The following RGS6 variants were observed in gnomAD, a reference collection of about 807,000 sequenced individuals.
The protein encoded by RGS6 is regulator of G protein signaling 6, also known as regulator of G-protein signaling 6.
In RGS6, 30 loss-of-function variants were observed where a neutral mutation model predicts 78.5. That is an observed-to-expected ratio of 0.38 (90% confidence interval 0.29 to 0.52). The LOEUF (loss-of-function observed/expected upper bound fraction) is 0.52, where lower values mean the gene tolerates loss of function less well. Among genes scored for constraint, RGS6 ranks in the 20% least tolerant of loss-of-function variants. The pLI, the probability that RGS6 is intolerant of heterozygous loss-of-function variation, is 0.85. For synonymous variants in RGS6, 206 were observed against 206.0 expected (o/e 1.00, Z 0.00); for missense variants, 495 against 609.7 (o/e 0.81, Z 1.98).
chr14:72,227,152 A>C (rs2048321535), intron 2 of RGS6, among the ~76,000 whole-genome samples: 1 of 152,268 alleles, frequency 6.6e-6, no homozygotes, highest in Non-Finnish European at 1.5e-5. Context: ...TAATATAGGA[A>C]TGTGTGTGTT....
intron 2 of RGS6, among the ~76,000 whole-genome samples, chr14:72,052,989 C>CTT (rs1230518365): frequency 2.6e-4 from 17 of 64,548 alleles, no homozygotes; most frequent in African/African-American, 1.3e-3. Context: ...TTCTTTCTCT[C>CTT]TCTCTCTCTC....
intron 2 of RGS6, among the ~76,000 whole-genome samples, chr14:72,267,092 C>A (rs575925842): frequency 2.4e-4 from 37 of 152,166 alleles, no homozygotes; most frequent in Non-Finnish European, 4.4e-4. Flanking sequence ...ACCTCTGCCT[C>A]ACTAGTTCAA....
At chr14:72,165,805 T>C (rs1169300964) in intron 2 of RGS6, among the ~76,000 whole-genome samples, 1 of 152,158 alleles carries the variant, frequency 6.6e-6, no homozygotes, top group African/African-American at 2.4e-5. Context: ...CAGAACTCTG[T>C]AATCCAAAAT....
intron 15 of RGS6, 81 bp from the exon 16 acceptor site, chr14:72,536,105 A>G: frequency 9.0e-7 from 1 of 1,105,556 alleles, no homozygotes; most frequent in Non-Finnish European, 1.4e-6. Context: ...CTTCCCCAAA[A>G]CAGTGATCAA....
chr14:72,058,706 TTGTC>T (rs1377413216), intron 2 of RGS6, among the ~76,000 whole-genome samples: 1 of 152,204 alleles, frequency 6.6e-6, no homozygotes, highest in Non-Finnish European at 1.5e-5. Flanking sequence ...AGGCACAACT[TTGTC>T]TGAGACCTGA....
chr14:71,941,643 A>G (rs2090580757), intron 1 of RGS6, among the ~76,000 whole-genome samples: 1 of 152,170 alleles, frequency 6.6e-6, no homozygotes, highest in African/African-American at 2.4e-5. Flanking sequence ...AGCATGGGAG[A>G]AAGATGTAGG....
At chr14:72,475,838 A>G (rs1470921935) in intron 10 of RGS6, among the ~76,000 whole-genome samples, 1 of 151,596 alleles carries the variant, frequency 6.6e-6, no homozygotes, top group African/African-American at 2.4e-5. Flanking sequence ...ACGCACACAC[A>G]CACACACACA....
intron 1 of RGS6, among the ~76,000 whole-genome samples, chr14:71,941,387 C>T (rs1320504205): frequency 5.3e-5 from 8 of 152,152 alleles, no homozygotes; most frequent in South Asian, 2.1e-4. Context: ...CCAAAACCAA[C>T]GAAAGAACTC....
At chr14:72,209,750 G>A (rs546895401) in intron 2 of RGS6, among the ~76,000 whole-genome samples, 1 of 152,274 alleles carries the variant, frequency 6.6e-6, no homozygotes, top group East Asian at 1.9e-4. Context: ...AGCATGCAGT[G>A]GTGAGAACAC....
intron 2 of RGS6, among the ~76,000 whole-genome samples, chr14:72,216,402 G>C (rs918446587): frequency 1.6e-4 from 24 of 152,184 alleles, no homozygotes; most frequent in African/African-American, 5.5e-4. Context: ...GCTCCAATTA[G>C]TTACCGCAGG....
intron 3 of RGS6, among the ~76,000 whole-genome samples, chr14:72,357,790 G>A (rs1243804685): frequency 6.6e-6 from 1 of 152,186 alleles, no homozygotes; most frequent in African/African-American, 2.4e-5. Context: ...AGAAATTCAA[G>A]CTGGCTGCAG....
intron 2 of RGS6, among the ~76,000 whole-genome samples, chr14:72,218,679 T>C (rs765170693): frequency 1.3e-5 from 2 of 152,144 alleles, no homozygotes; most frequent in Non-Finnish European, 2.9e-5. Context: ...TGGCACGATC[T>C]TAGCTCACTG....
intron 2 of RGS6, among the ~76,000 whole-genome samples, chr14:72,081,970 A>G (rs962242437): frequency 3.3e-5 from 5 of 151,964 alleles, no homozygotes; most frequent in African/African-American, 4.8e-5. Flanking sequence ...TTTGTTTTAG[A>G]TCTTTTTTTA....
intron 2 of RGS6, among the ~76,000 whole-genome samples, chr14:72,142,486 A>C (rs1197141216): frequency 1.3e-5 from 2 of 152,172 alleles, no homozygotes; most frequent in Admixed American, 6.5e-5. Context: ...CACTCAGAGG[A>C]AGTCCCAAGG....
chr14:72,341,943 T>A (rs1482072326), intron 2 of RGS6, among the ~76,000 whole-genome samples: 2 of 152,130 alleles, frequency 1.3e-5, no homozygotes, highest in African/African-American at 2.4e-5. Flanking sequence ...GAAATTGTAG[T>A]AATATTCCAG....
intron 2 of RGS6, among the ~76,000 whole-genome samples, chr14:71,989,363 G>C (rs2094856201): frequency 6.6e-6 from 1 of 152,208 alleles, no homozygotes; most frequent in Admixed American, 6.5e-5. Flanking sequence ...GCTTACTTCT[G>C]ATCTTTCCTC....
intron 2 of RGS6, among the ~76,000 whole-genome samples, chr14:72,046,078 C>T (rs770530823): frequency 5.9e-5 from 9 of 152,032 alleles, no homozygotes; most frequent in Non-Finnish European, 1.2e-4. Flanking sequence ...GGCTCACTGA[C>T]GTCATCCATC....
chr14:72,473,134 A>C (rs543757631), intron 9 of RGS6, among the ~76,000 whole-genome samples, 181 bp downstream of exon 9: 2 of 152,352 alleles, frequency 1.3e-5, no homozygotes, highest in East Asian at 3.9e-4. Flanking sequence ...AATATATGTA[A>C]GTTCCACCTT....
chr14:72,048,469 G>C (rs1370423046), intron 2 of RGS6, among the ~76,000 whole-genome samples: 2 of 152,128 alleles, frequency 1.3e-5, no homozygotes, highest in African/African-American at 4.8e-5. Context: ...TCAACAGAAA[G>C]AGAAATCATG....
Sources: gnomAD v4.1 joint callset for allele counts (sites outside exome capture counted in the v4.1 genomes callset) on GRCh38, gnomAD v4.1.1 for gene constraint, MANE v1.5 for transcripts, NCBI Gene and HGNC (gene_info 2026-07-23, HGNC 2026-07-21) for gene names.